Variants in SPATA31H1 observed in about 807,000 individuals in gnomAD.
SPATA31H1 encodes the protein SPATA31 subfamily H member 1.
the SPATA31H1 span, among the ~76,000 whole-genome samples, chr2:27,555,602 AGTTTGAG>A: frequency 6.6e-6 from 1 of 151,666 alleles, no homozygotes; most frequent in African/African-American, 2.4e-5. Context: ...TGAGCCCAAG[AGTTTGAG>A]GTTACAGTGA....
chr2:27,581,390 G>A, the SPATA31H1 span: 38 of 1,611,964 alleles, frequency 2.4e-5, no homozygotes, highest in Non-Finnish European at 2.9e-5. Context: ...AGAGAAGCTG[G>A]CGCAGTCCGT....
At chr2:27,577,477 C>A in the SPATA31H1 span, 4 of 1,614,100 alleles carry the variant, frequency 2.5e-6, no homozygotes, top group Non-Finnish European at 3.4e-6. This position sits in a 1 kb window ranked among gnomAD's most constrained non-coding sequence, Gnocchi z 4.5. Context: ...AGTCAAGCCA[C>A]TGGATTTGCA....
At chr2:27,582,562 T>G in the SPATA31H1 span, 1 of 1,537,084 alleles carries the variant, frequency 6.5e-7, no homozygotes, top group Non-Finnish European at 8.8e-7. Context: ...TTGTCCTAAG[T>G]CTTCATCGTG....
At chr2:27,564,685 C>T in the SPATA31H1 span, among the ~76,000 whole-genome samples, 1 of 151,932 alleles carries the variant, frequency 6.6e-6, no homozygotes, top group South Asian at 2.1e-4. Context: ...GGCATGGTGG[C>T]TTAGCTACTC....
the SPATA31H1 span, among the ~76,000 whole-genome samples, chr2:27,550,366 T>A: frequency 2.7e-5 from 4 of 150,638 alleles, no homozygotes; most frequent in African/African-American, 9.7e-5. Context: ...GGAGGTTCCC[T>A]TTTATTTCCA....
At chr2:27,567,849 G>A in the SPATA31H1 span, 1 of 398,980 alleles carries the variant, frequency 2.5e-6, no homozygotes, top group Non-Finnish European at 4.4e-6. Flanking sequence ...AACTCCATTG[G>A]CACTACTTCG....
chr2:27,539,832 T>C, the SPATA31H1 span, among the ~76,000 whole-genome samples: 1 of 73,062 alleles, frequency 1.4e-5, no homozygotes, highest in Non-Finnish European at 2.6e-5. Flanking sequence ...GAGGCGCCCC[T>C]CACCTCCCGG....
chr2:27,559,352 G>T, the SPATA31H1 span, among the ~76,000 whole-genome samples: 239 of 152,202 alleles, frequency 1.6e-3, 2 homozygotes, highest in African/African-American at 5.5e-3. Context: ...GGATATTAGG[G>T]GTTCTCAACT....
the SPATA31H1 span, chr2:27,581,040 T>G: frequency 6.2e-7 from 1 of 1,614,090 alleles, no homozygotes; most frequent in South Asian, 1.1e-5. Flanking sequence ...AAAGAAAAAC[T>G]TCTATAGAAA....
At chr2:27,576,592 C>A in the SPATA31H1 span, 1 of 1,583,462 alleles carries the variant, frequency 6.3e-7, no homozygotes, top group African/African-American at 1.4e-5. Flanking sequence ...ACACCAGGGG[C>A]CCAACAGCAA....
chr2:27,577,344 C>A, the SPATA31H1 span: 1 of 1,614,020 alleles, frequency 6.2e-7, no homozygotes, highest in Non-Finnish European at 8.5e-7. The surrounding 1 kb of genome is among the most constrained non-coding windows in gnomAD (Gnocchi z 4.5). Flanking sequence ...GCCACTGCAG[C>A]AAACTGTGGA....
the SPATA31H1 span, among the ~76,000 whole-genome samples, chr2:27,556,134 CA>C: frequency 0.085 from 7,927 of 92,876 alleles, 530 homozygotes; most frequent in African/African-American, 0.26. Flanking sequence ...GACTCCATCT[CA>C]AAAAAAAAAA....
the SPATA31H1 span, chr2:27,579,053 G>A: frequency 1.2e-6 from 2 of 1,614,158 alleles, no homozygotes; most frequent in Non-Finnish European, 1.7e-6. Flanking sequence ...AGACAACTAA[G>A]AGGAAGCAAA....
the SPATA31H1 span, chr2:27,581,033 G>T: frequency 6.2e-7 from 1 of 1,614,166 alleles, no homozygotes; most frequent in Non-Finnish European, 8.5e-7. Context: ...GCAGATCAAA[G>T]AAAAACTTCT....
chr2:27,554,949 G>A, the SPATA31H1 span, among the ~76,000 whole-genome samples: 1 of 151,876 alleles, frequency 6.6e-6, no homozygotes, highest in African/African-American at 2.4e-5. Context: ...CTTCCCAAAG[G>A]CCTCATCTAC....
At chr2:27,556,640 G>T in the SPATA31H1 span, among the ~76,000 whole-genome samples, 2 of 146,902 alleles carry the variant, frequency 1.4e-5, no homozygotes, top group African/African-American at 5.0e-5. Context: ...TTAGTTCTTG[G>T]CCAAAATTCT....
the SPATA31H1 span, among the ~76,000 whole-genome samples, chr2:27,546,695 G>A: frequency 1.3e-5 from 2 of 151,792 alleles, no homozygotes; most frequent in African/African-American, 4.9e-5. Flanking sequence ...ACCACACCTG[G>A]CTAATTTTTG....
the SPATA31H1 span, chr2:27,582,522 C>G: frequency 1.3e-6 from 2 of 1,597,562 alleles, no homozygotes; most frequent in East Asian, 2.2e-5. Flanking sequence ...TGAAGCTACT[C>G]GATGAGGCGA....
the SPATA31H1 span, among the ~76,000 whole-genome samples, chr2:27,539,295 A>G: frequency 2.0e-5 from 3 of 149,166 alleles, no homozygotes; most frequent in East Asian, 2.0e-4. Context: ...CTGGGTACTT[A>G]AGATTAGGGA....
Sources: allele counts gnomAD v4.1 joint callset (sites outside exome capture counted in the v4.1 genomes callset), GRCh38; gene constraint gnomAD v4.1.1; non-coding constraint Gnocchi (gnomAD v3.1); transcripts MANE v1.5; gene names NCBI Gene and HGNC (gene_info 2026-07-23, HGNC 2026-07-21).